PDIA4: variants seen among roughly 807,000 people sequenced by gnomAD.
PDIA4 encodes the protein protein disulfide isomerase family A member 4, also known as protein disulfide-isomerase A4.
In PDIA4, 33 loss-of-function variants were observed where a neutral mutation model predicts 62.1. The ratio of observed to expected loss-of-function variants is 0.53; its 90% CI spans 0.40 to 0.71. PDIA4 has a LOEUF of 0.71. PDIA4 is among the 30% of genes least tolerant of loss of function. PDIA4 has a pLI of 0.00. For missense variants in PDIA4, 804 were observed against 813.6 expected, an observed-to-expected ratio of 0.99 and a Z score of 0.14; for synonymous variants, 341 against 324.1, an observed-to-expected ratio of 1.05 and a Z score of -0.56.
chr7:149,019,206 T>C lies in PDIA4; in HGVS notation c.270-9A>G, dbSNP rs776314600. ...GCTTGCAATGTCCACACCTAACAAT[T>C]AGATTAGGAAGGGCAAAAAACGTTA... On this transcript the variant is annotated splice_polypyrimidine_tract_variant and intron_variant, in intron 2 of 9. Coordinates refer to ENST00000652332, the MANE Select transcript of PDIA4 (RefSeq NM_004911.5). 2 of 1,597,400 alleles carry C rather than the reference T, an allele frequency of 1.3e-6. No homozygotes were observed. The highest frequency in any genetic ancestry group is 1.1e-5 in the South Asian group (1 of 90,758).
At chr7:149,014,419 T>C (rs1401462668) in intron 4 of PDIA4, among the ~76,000 whole-genome samples, 3 of 152,038 alleles carry the variant, frequency 2.0e-5, no homozygotes, top group Non-Finnish European at 2.9e-5. Flanking sequence ...AGACAGATGG[T>C]ACCCTGGGCC....
chr7:149,027,854 T>C, intron 1 of PDIA4: 1 of 473,278 alleles, frequency 2.1e-6, no homozygotes, highest in Non-Finnish European at 4.4e-6. Flanking sequence ...CAGACCACAT[T>C]TTGAAAAGGA....
Position 149,008,325 on chromosome 7 carries a change from G to C in PDIA4, c.980-15C>G. On this transcript the variant is annotated splice_polypyrimidine_tract_variant and intron_variant, in intron 6 of 9. Coordinates refer to ENST00000652332, the MANE Select transcript of PDIA4 (RefSeq NM_004911.5). ...CAGGTTGTTAGCTGAAACGTTAACA[G>C]AATAAGATGTAATTTTGAAAATTGC... 6.2e-7 allele frequency: 1 copy of C among 1,601,974 alleles called. No individual in the cohort carries two copies. Among genetic ancestry groups the C allele is most frequent in the Non-Finnish European group, 8.5e-7 (1 of 1,174,520 alleles).
Position 149,012,194 on chromosome 7 carries a change from C to G in PDIA4, c.781G>C (p.Gly261Arg), listed in dbSNP as rs374768570. The change falls in exon 5 of 10, where the codon GGA becomes CGA. Residue 261 changes from glycine to arginine, a missense_variant. Physicochemically the swap from Gly to Arg is moderately radical, Grantham distance 125 (BLOSUM62 -2). Transcript: ENST00000652332. ...GYPTLKIFRK[G>R]RPYDYNGPRE... ...GGGCCGTTGTAGTCATAAGGCCTTCCTTTGCGGAAAATTTTCAGGGTGGGA... is the reference window on the plus strand; with the variant it reads ...GGGCCGTTGTAGTCATAAGGCCTTCGTTTGCGGAAAATTTTCAGGGTGGGA... The G allele has an allele frequency of 1.1e-5, 18 of 1,614,018 alleles. No homozygotes were observed. In the African/African-American group the frequency reaches 1.2e-4, roughly 11 times the overall value.
At chr7:149,005,859 ACCCCCCACC>A (rs1436474268) in intron 8 of PDIA4, 29 bp downstream of exon 8, 7 of 1,429,826 alleles carry the variant, frequency 4.9e-6, no homozygotes, top group Non-Finnish European at 6.4e-6. Flanking sequence ...GAGTCCCCCC[ACCCCCCACC>A]CCCGCAGGTC....
chr7:149,020,592 A>G (rs1240779597), intron 2 of PDIA4, among the ~76,000 whole-genome samples: 1 of 152,186 alleles, frequency 6.6e-6, no homozygotes, highest in African/African-American at 2.4e-5. Context: ...CCTTTGAGGG[A>G]AGAGGAAGGC....
chr7:149,021,572 C>A (rs1824357011), intron 1 of PDIA4, among the ~76,000 whole-genome samples: 1 of 151,810 alleles, frequency 6.6e-6, no homozygotes, highest in East Asian at 1.9e-4. Context: ...TGGGGGCCCA[C>A]CACGTCATTG....
rs1563123667 is a variant in PDIA4 at position 149,021,052 on chromosome 7, T to C, written c.184A>G (p.Asn62Asp). 2 of 1,614,128 alleles carry C rather than the reference T, an allele frequency of 1.2e-6. No homozygotes were observed. Among genetic ancestry groups the C allele is most frequent in the African/African-American group, 2.7e-5 (2 of 75,032 alleles). ...EEDDLEVKEE[N>D]GVLVLNDANF... Reference sequence around the variant, plus strand: ...GCATCATTTAGGACCAAGACTCCATTTTCTTCCTTAACTTCCAAGTCGTCT... The same window carrying C: ...GCATCATTTAGGACCAAGACTCCATCTTCTTCCTTAACTTCCAAGTCGTCT... Residue 62 changes from asparagine (N) to aspartate (D), a missense_variant, in exon 2 of 10, where the codon AAT becomes GAT. Asn to Asp is a conservative substitution (Grantham distance 23). Coordinates refer to ENST00000652332, the MANE Select transcript of PDIA4 (RefSeq NM_004911.5).
intron 4 of PDIA4, among the ~76,000 whole-genome samples, chr7:149,013,166 T>A (rs777583890): frequency 3.9e-5 from 6 of 152,006 alleles, no homozygotes; most frequent in Non-Finnish European, 8.8e-5. Flanking sequence ...GAGTATCGCT[T>A]GAACCCAGGG....
chr7:149,010,177 G>T (rs779447305), intron 6 of PDIA4, among the ~76,000 whole-genome samples: 1 of 152,096 alleles, frequency 6.6e-6, no homozygotes, highest in Non-Finnish European at 1.5e-5. Flanking sequence ...GCCCTTCTCT[G>T]TAAAACAGAG....
At chr7:149,013,663 C>A (rs1463301527) in intron 4 of PDIA4, among the ~76,000 whole-genome samples, 2 of 152,048 alleles carry the variant, frequency 1.3e-5, no homozygotes, top group African/African-American at 2.4e-5. Context: ...CAAAGCAAGG[C>A]CTTATCTCAA....
intron 1 of PDIA4, 93 bp from the exon 2 acceptor site, chr7:149,021,240 C>G: frequency 1.5e-6 from 2 of 1,324,826 alleles, no homozygotes; most frequent in South Asian, 2.8e-5. Context: ...CTTGTAATCC[C>G]AGCACTTTGG....
chr7:149,011,729 G>C, intron 6 of PDIA4, 117 bp downstream of exon 6: 1 of 781,220 alleles, frequency 1.3e-6, no homozygotes, highest in Non-Finnish European at 2.0e-6. Flanking sequence ...CTTATTCCCA[G>C]AGATGGCTCA....
chr7:149,016,571 T>C (rs897200357), intron 3 of PDIA4, among the ~76,000 whole-genome samples: 1 of 151,438 alleles, frequency 6.6e-6, no homozygotes, highest in African/African-American at 2.4e-5. Context: ...CAGGCTGGAG[T>C]GCAGTGGCGC....
intron 1 of PDIA4, among the ~76,000 whole-genome samples, chr7:149,025,143 T>A (rs1281728056): frequency 6.7e-6 from 1 of 149,962 alleles, no homozygotes; most frequent in African/African-American, 2.5e-5. Flanking sequence ...TCTGAAAAGA[T>A]GCAACCTTCC....
At chr7:149,005,777 G>A (rs1275898234) in intron 8 of PDIA4, 120 bp downstream of exon 8, 6 of 773,550 alleles carry the variant, frequency 7.8e-6, no homozygotes, top group African/African-American at 7.2e-5. Context: ...AGGGCCCCAG[G>A]CTGGGATTTC....
rs1585433824 is a variant in PDIA4, at chr7:149,025,451, C to T, written c.88+2870G>A. Among the ~76,000 whole-genome samples the T allele has an allele frequency of 2.0e-5, 3 of 152,314 alleles. No individual in the cohort carries two copies. The East Asian group carries it at 5.8e-4, about 29-fold the overall frequency. The stretch of plus-strand genomic sequence containing the variant: ...GAAGAGTTTGTATTAAACACAGAAA[C>T]AAGAACTGTTATCAGCTACGGTAAC... On this transcript the variant is annotated intron_variant, in intron 1 of 9. Coordinates refer to ENST00000652332, the MANE Select transcript of PDIA4 (RefSeq NM_004911.5).
At chr7:149,021,183 G>C in intron 1 of PDIA4, 36 bp from the exon 2 acceptor site, 1 of 1,545,564 alleles carries the variant, frequency 6.5e-7, no homozygotes, top group Middle Eastern at 1.7e-4. Flanking sequence ...TACAAAGCTG[G>C]TGGTGACTCT....
chr7:149,023,793 G>C (rs1824440631), intron 1 of PDIA4, among the ~76,000 whole-genome samples: 1 of 152,128 alleles, frequency 6.6e-6, no homozygotes, highest in African/African-American at 2.4e-5. Flanking sequence ...TTTACAGGGT[G>C]AATTTTACAA....
Sources: gnomAD v4.1 joint callset for allele counts (sites outside exome capture counted in the v4.1 genomes callset) on GRCh38, gnomAD v4.1.1 for gene constraint, MANE v1.5 for transcripts, NCBI Gene and HGNC (gene_info 2026-07-23, HGNC 2026-07-21) for gene names.